Variants in EFCAB5 observed in about 807,000 individuals in gnomAD.
EFCAB5 encodes the protein EF-hand calcium binding domain 5.
EFCAB5 carries 131 observed loss-of-function variants against 167.9 expected under a neutral mutation model. That is an observed-to-expected ratio of 0.78 (90% CI 0.68 to 0.90). The LOEUF (loss-of-function observed/expected upper bound fraction) is 0.90. EFCAB5 is among the 40% of genes least tolerant of loss of function. The pLI is 0.00. For missense variants in EFCAB5, 1,663 were observed against 1,745.2 expected (o/e 0.95, Z 0.84); for synonymous variants, 574 against 602.8 (o/e 0.95, Z 0.70).
chr17:30,025,558 T>G (rs1280449631), intron 7 of EFCAB5, among the ~76,000 whole-genome samples: 1 of 152,212 alleles, frequency 6.6e-6, no homozygotes, highest in African/African-American at 2.4e-5. Flanking sequence ...GGAACACTTT[T>G]ACACTGTTGG....
intron 3 of EFCAB5, among the ~76,000 whole-genome samples, chr17:29,947,171 TC>T (rs2076408771): frequency 1.7e-5 from 2 of 118,882 alleles, no homozygotes; most frequent in Non-Finnish European, 3.4e-5. Flanking sequence ...AGACTCCATC[TC>T]AAAAAAAAAA....
intron 14 of EFCAB5, among the ~76,000 whole-genome samples, chr17:30,060,236 T>TA (rs1348801578): frequency 2.9e-5 from 4 of 137,734 alleles, no homozygotes; most frequent in Admixed American, 1.5e-4. Flanking sequence ...AAAAAAAAAT[T>TA]TAAAAAAAAG....
At chr17:30,057,585 G>A in intron 12 of EFCAB5, 91 bp from the exon 13 acceptor site, 1 of 1,059,378 alleles carries the variant, frequency 9.4e-7, no homozygotes, top group Non-Finnish European at 1.4e-6. Context: ...AGTCAAAAAT[G>A]GCAGATATTC....
intron 18 of EFCAB5, among the ~76,000 whole-genome samples, chr17:30,085,673 T>C (rs1180226816): frequency 1.4e-5 from 2 of 144,108 alleles, no homozygotes; most frequent in African/African-American, 2.6e-5. Flanking sequence ...TGAGCCGAGA[T>C]CACGCCACTG....
At chr17:30,011,197 G>C (rs1240763479) in intron 7 of EFCAB5, among the ~76,000 whole-genome samples, 2 of 152,262 alleles carry the variant, frequency 1.3e-5, no homozygotes, top group Admixed American at 1.3e-4. Flanking sequence ...ATGCTGTTTT[G>C]CTTACTGTAG....
intron 3 of EFCAB5, among the ~76,000 whole-genome samples, chr17:29,966,561 T>C (rs2067831693): frequency 6.6e-6 from 1 of 152,222 alleles, no homozygotes; most frequent in Admixed American, 6.5e-5. Context: ...TGTCATATAC[T>C]CATATACGTA....
intron 10 of EFCAB5, among the ~76,000 whole-genome samples, chr17:30,055,566 T>C (rs2070236644): frequency 6.6e-6 from 1 of 152,170 alleles, no homozygotes; most frequent in South Asian, 2.1e-4. Context: ...AGGCATCCAC[T>C]AGGGATCTTG....
intron 14 of EFCAB5, among the ~76,000 whole-genome samples, chr17:30,062,006 T>C (rs2070438151): frequency 6.6e-6 from 1 of 152,284 alleles, no homozygotes; most frequent in South Asian, 2.1e-4. Flanking sequence ...TTACTTTTCA[T>C]AGGATAGCTA....
upstream of EFCAB5, among the ~76,000 whole-genome samples, chr17:29,936,679 T>C (rs1046417585): frequency 6.6e-6 from 1 of 152,244 alleles, no homozygotes; most frequent in African/African-American, 2.4e-5. Flanking sequence ...TGGCACTTGA[T>C]TGATAGGGAA....
intron 4 of EFCAB5, among the ~76,000 whole-genome samples, chr17:29,975,345 C>T (rs764383497): frequency 6.6e-5 from 10 of 152,032 alleles, no homozygotes; most frequent in South Asian, 4.1e-4. Flanking sequence ...CTGCAACCTC[C>T]GCCTCCCGGC....
At chr17:29,997,152 G>A (rs1265772052) in intron 6 of EFCAB5, among the ~76,000 whole-genome samples, 1 of 151,834 alleles carries the variant, frequency 6.6e-6, no homozygotes, top group African/African-American at 2.4e-5. Context: ...GGCTGAGGCA[G>A]GAGAATCACT....
chr17:29,996,809 G>C (rs545844852), intron 6 of EFCAB5, among the ~76,000 whole-genome samples: 1 of 152,234 alleles, frequency 6.6e-6, no homozygotes, highest in South Asian at 2.1e-4. Flanking sequence ...ACTCTACCCA[G>C]TCTTATATCC....
upstream of EFCAB5, among the ~76,000 whole-genome samples, chr17:29,937,105 A>G (rs1476308909): frequency 1.3e-5 from 2 of 152,234 alleles, no homozygotes; most frequent in Non-Finnish European, 2.9e-5. Context: ...AGTAATCCAC[A>G]GTCATTCTCC....
chr17:29,953,067 G>A (rs1469485004), intron 3 of EFCAB5, among the ~76,000 whole-genome samples: 1 of 152,012 alleles, frequency 6.6e-6, no homozygotes, highest in Admixed American at 6.6e-5. Flanking sequence ...ATAAATAAGG[G>A]GCACCCAAAT....
chr17:30,069,554 G>T (rs2070673989), intron 14 of EFCAB5: 1 of 1,613,044 alleles, frequency 6.2e-7, no homozygotes. Context: ...TAAAAACAAC[G>T]CTGGCTTCCG....
At chr17:29,978,723 T>C (rs2068110191) in intron 4 of EFCAB5, among the ~76,000 whole-genome samples, 1 of 152,244 alleles carries the variant, frequency 6.6e-6, no homozygotes, top group African/African-American at 2.4e-5. Context: ...TAGAAACTCC[T>C]AAGACTATTG....
At chr17:29,967,914 A>C (rs2067866204) in intron 3 of EFCAB5, among the ~76,000 whole-genome samples, 1 of 149,204 alleles carries the variant, frequency 6.7e-6, no homozygotes, top group Admixed American at 6.7e-5. Flanking sequence ...TTTGAGACAA[A>C]GTCTCACTGG....
At position 30,082,990 on chromosome 17, in the gene EFCAB5, A is replaced by G. The variant is rs193065340; in HGVS notation, c.3526A>G (p.Thr1176Ala). The G allele has an allele frequency of 1.4e-3, 2,266 of 1,614,026 alleles. 2 individuals are homozygous for G. Among genetic ancestry groups the G allele is most frequent in the Middle Eastern group, 2.5e-3 (15 of 6,060 alleles). Residue 1176 changes from threonine to alanine, a missense_variant, in exon 18 of 23, where the codon ACA becomes GCA. Physicochemically the swap from Thr to Ala is moderately conservative, Grantham distance 58. Transcript: ENST00000394835. ...ITGIGWLYDV[T>A]SSITSITTYF... is the part of the protein sequence containing the mutation. ...TGGCATAGGCTGGCTTTATGACGTC[A>G]CATCCAGCATCACCTCCATCACTAC...
chr17:29,968,589 T>C (rs902727129), intron 3 of EFCAB5, among the ~76,000 whole-genome samples: 2 of 152,230 alleles, frequency 1.3e-5, no homozygotes, highest in Admixed American at 1.3e-4. Flanking sequence ...ATCACTGAAC[T>C]GCTAAATGGC....
Sources: allele counts gnomAD v4.1 joint callset (sites outside exome capture counted in the v4.1 genomes callset), GRCh38; gene constraint gnomAD v4.1.1; transcripts MANE v1.5; gene names NCBI Gene and HGNC (gene_info 2026-07-23, HGNC 2026-07-21).